The following KAZN variants were observed in gnomAD, a reference collection of about 807,000 sequenced individuals.
KAZN encodes kazrin, periplakin interacting protein.
A neutral mutation model predicts 87.4 loss-of-function variants in KAZN; 40 were observed. The observed-to-expected ratio is 0.46, with a 90% CI of 0.36 to 0.60. KAZN has a LOEUF of 0.60. Ranked by LOEUF, KAZN falls within the 20% of genes least tolerant of loss-of-function variation. KAZN has a pLI of 0.00. For synonymous variants in KAZN, 466 were observed against 458.3 expected (o/e 1.02, Z -0.22); for missense variants, 898 against 1,073.9 (o/e 0.84, Z 2.29).
intron 2 of KAZN, among the ~76,000 whole-genome samples, chr1:14,189,186 C>T (rs551755822): frequency 1.3e-5 from 2 of 152,106 alleles, no homozygotes; most frequent in Non-Finnish European, 2.9e-5. Flanking sequence ...AGATGGTGAC[C>T]TGGCTATTTT....
intron 2 of KAZN, among the ~76,000 whole-genome samples, chr1:14,563,080 G>A (rs1674348929): frequency 6.6e-6 from 1 of 152,210 alleles, no homozygotes; most frequent in Admixed American, 6.5e-5. Flanking sequence ...CCCCACAGCT[G>A]CCAGAAGAGT....
At chr1:15,000,158 A>G (rs1182819474) in intron 2 of KAZN, among the ~76,000 whole-genome samples, 1 of 149,238 alleles carries the variant, frequency 6.7e-6, no homozygotes, top group Non-Finnish European at 1.5e-5. Context: ...GAGACTGGAA[A>G]AAGGTCAGAG....
At chr1:14,932,972 C>G (rs1660020949) in intron 1 of KAZN, among the ~76,000 whole-genome samples, 1 of 152,166 alleles carries the variant, frequency 6.6e-6, no homozygotes, top group African/African-American at 2.4e-5. Flanking sequence ...TAAACACTAA[C>G]TCTCCATCCC....
At chr1:14,065,566 T>TA (rs201024966) in intron 1 of KAZN, among the ~76,000 whole-genome samples, 145 of 131,016 alleles carry the variant, frequency 1.1e-3, no homozygotes, top group East Asian at 2.1e-3. Context: ...GAAATGCATT[T>TA]AAAAAAAAAA....
At chr1:14,147,342 C>G (rs903296784) in intron 1 of KAZN, among the ~76,000 whole-genome samples, 4 of 151,700 alleles carry the variant, frequency 2.6e-5, no homozygotes, top group African/African-American at 9.8e-5. Context: ...ATGGACCCTA[C>G]TTGGCTGAGT....
Position 13,970,349 on chromosome 1 carries a change from G to A in KAZN, c.91+76593G>A, listed in dbSNP as rs554984498. ...GCTAAGAACGGTGCTGAGCCCATCT[G>A]TACTTTAATTTTATGACAACTCTGG... is the stretch of plus-strand genomic sequence containing the variant. On this transcript the variant is annotated intron_variant, in intron 1 of 16. Transcript: ENST00000636203. Among the ~76,000 whole-genome samples, 63 of 152,268 alleles carry A rather than the reference G, an allele frequency of 4.1e-4. 1 individual carries two copies. Among genetic ancestry groups the A allele is most frequent in the African/African-American group, 1.2e-3 (48 of 41,548 alleles).
intron 1 of KAZN, among the ~76,000 whole-genome samples, chr1:14,704,693 A>T (rs1051947868): frequency 6.6e-6 from 1 of 152,128 alleles, no homozygotes; most frequent in Non-Finnish European, 1.5e-5. Flanking sequence ...CTCCTCCCAG[A>T]TCCTCTTTCT....
At chr1:13,953,456 GTTGT>G (rs1235794111) in intron 1 of KAZN, among the ~76,000 whole-genome samples, 1 of 152,154 alleles carries the variant, frequency 6.6e-6, no homozygotes, top group African/African-American at 2.4e-5. Context: ...AAATTGAATG[GTTGT>G]TTGTCTGATT....
chr1:14,098,109 C>A (rs1644169331), intron 1 of KAZN, among the ~76,000 whole-genome samples: 1 of 152,104 alleles, frequency 6.6e-6, no homozygotes, highest in South Asian at 2.1e-4. Context: ...CAAGTCCTCC[C>A]AGCCAGCAAA....
chr1:14,760,013 T>C (rs960267070), intron 1 of KAZN, among the ~76,000 whole-genome samples: 2 of 152,130 alleles, frequency 1.3e-5, no homozygotes, highest in Non-Finnish European at 2.9e-5. Flanking sequence ...CTGACCCACC[T>C]GTGAGTTTGA....
At chr1:14,222,259 G>A (rs750709867) in intron 2 of KAZN, among the ~76,000 whole-genome samples, 40 of 152,224 alleles carry the variant, frequency 2.6e-4, no homozygotes, top group South Asian at 4.2e-4. Flanking sequence ...GGGATTAACC[G>A]TCCAGCTGGT....
At chr1:14,196,796 C>T (rs1335201647) in intron 2 of KAZN, among the ~76,000 whole-genome samples, 1 of 151,772 alleles carries the variant, frequency 6.6e-6, no homozygotes, top group Non-Finnish European at 1.5e-5. Context: ...AGGAGAAGTC[C>T]CAGGACTGAG....
intron 1 of KAZN, among the ~76,000 whole-genome samples, chr1:14,657,673 G>A (rs948298992): frequency 1.3e-5 from 2 of 152,126 alleles, no homozygotes; most frequent in Admixed American, 1.3e-4. Flanking sequence ...CTTGGGCTGT[G>A]TCTTGGGCCC....
intron 2 of KAZN, among the ~76,000 whole-genome samples, chr1:14,498,289 T>G (rs1670058053): frequency 6.6e-6 from 1 of 152,236 alleles, no homozygotes; most frequent in Non-Finnish European, 1.5e-5. Flanking sequence ...TCGTGTCCAC[T>G]CACCACTGCA....
intron 2 of KAZN, among the ~76,000 whole-genome samples, chr1:14,296,629 C>CTTTTTTTT (rs775666706): frequency 8.5e-5 from 7 of 82,762 alleles, no homozygotes; most frequent in Non-Finnish European, 8.7e-5. Flanking sequence ...TTTTGTATTT[C>CTTTTTTTT]TTTTTTTTTT....
intron 2 of KAZN, among the ~76,000 whole-genome samples, chr1:14,961,678 C>T (rs1288411570): frequency 6.6e-6 from 1 of 152,150 alleles, no homozygotes; most frequent in African/African-American, 2.4e-5. Context: ...CTCTTAAGCC[C>T]CCTCAGTGTC....
intron 6 of KAZN, 86 bp downstream of exon 6, chr1:15,060,388 C>T (rs958418010): frequency 6.5e-7 from 1 of 1,547,188 alleles, no homozygotes; most frequent in African/African-American, 1.4e-5. Context: ...GCCATACTCG[C>T]TGTTTCCTCT....
At chr1:14,942,195 C>T (rs1263624121) in intron 1 of KAZN, among the ~76,000 whole-genome samples, 4 of 152,208 alleles carry the variant, frequency 2.6e-5, no homozygotes, top group African/African-American at 4.8e-5. Flanking sequence ...ACACCTCCCA[C>T]CCCTGCCAGC....
In KAZN at chr1:14,908,435, G is replaced by T. The variant is rs187453637; in HGVS notation, c.227-52249G>T. Among the ~76,000 whole-genome samples the T allele has an allele frequency of 5.4e-3, 828 of 152,266 alleles. 4 individuals carry two copies. Among genetic ancestry groups the T allele is most frequent in the Non-Finnish European group, 8.8e-3 (599 of 68,002 alleles). On this transcript the variant is annotated intron_variant, in intron 1 of 14. Transcript: ENST00000376030. ...CAGGGGCCTGTAATCCCAGCTCCTC[G>T]GGAGGCTGAGGCAGGAGAATCGCTT...
Sources: gnomAD v4.1 joint callset for allele counts (sites outside exome capture counted in the v4.1 genomes callset) on GRCh38, gnomAD v4.1.1 for gene constraint, MANE v1.5 for transcripts, NCBI Gene and HGNC (gene_info 2026-07-23, HGNC 2026-07-21) for gene names.